MYOF: variants seen among roughly 807,000 people sequenced by gnomAD.
MYOF encodes the protein fer-1-like 3, myoferlin.
In MYOF, 244 loss-of-function variants were observed where a neutral mutation model predicts 284.2. The observed-to-expected ratio is 0.86, with a 90% confidence interval of 0.77 to 0.95. The LOEUF (loss-of-function observed/expected upper bound fraction) is 0.95, where lower values mean the gene tolerates loss of function less well. Ranked by LOEUF, MYOF falls within the 40% of genes least tolerant of loss-of-function variation. MYOF has a pLI of 0.00. For synonymous variants in MYOF, 904 were observed against 919.7 expected (o/e 0.98, Z 0.31); for missense variants, 2,496 against 2,560.6 (o/e 0.97, Z 0.54).
chr10:93,404,807 C>T (rs532239391), intron 7 of MYOF, among the ~76,000 whole-genome samples: 1 of 152,270 alleles, frequency 6.6e-6, no homozygotes, highest in South Asian at 2.1e-4. Flanking sequence ...TCCAAGAAAG[C>T]ACCTTTCAAG....
chr10:93,347,566 A>AAAAAAAAAAAAAAT, intron 37 of MYOF, 51 bp downstream of exon 37: 5 of 1,221,934 alleles, frequency 4.1e-6, no homozygotes, highest in Non-Finnish European at 3.2e-6. Context: ...CTCAAAAAAA[A>AAAAAAAAAAAAAAT]AAAAAAAAAA....
rs1481130682 is a variant in MYOF at position 93,364,000 on chromosome 10, C to T, written c.2829G>A (p.Gly943=). The T allele has an allele frequency of 6.2e-7, 1 of 1,614,204 alleles. No individual in the cohort carries two copies. The highest frequency in any genetic ancestry group is 1.1e-5 in the South Asian group (1 of 91,088). Residue 943 remains glycine (G), a synonymous_variant, in exon 27 of 54, where the codon GGG becomes GGA. Transcript: ENST00000359263. ...TGTCCTCGGCCGGCTTCCAGTCGCC[C>T]CCGGGGTAGCGGCTCTCGTTCTGAT... ...EVYQNESRYP[G]GDWKPAEDTY...
At chr10:93,406,724 T>C (rs905824323) in intron 7 of MYOF, among the ~76,000 whole-genome samples, 2 of 151,162 alleles carry the variant, frequency 1.3e-5, no homozygotes, top group Middle Eastern at 3.4e-3. Flanking sequence ...AGGGGAGAGG[T>C]TAGAGGTTAG....
At position 93,349,886 on chromosome 10, in the gene MYOF, TC is replaced by T; in HGVS notation, c.4004del (p.Gly1335GlufsTer8). On this transcript the variant is annotated frameshift_variant, in exon 36 of 54. Transcript: ENST00000359263. LOFTEE classifies it high-confidence loss of function. ...TSPSLVVECG[G>X]ERVESVVIKN... Reference sequence around the variant, plus strand: ...TGATCACCACCGATTCCACCCTTTCTCCTCCACACTCCACAACAAGACTGGG... The same window carrying T: ...TGATCACCACCGATTCCACCCTTTCTCTCCACACTCCACAACAAGACTGGG... 6.2e-7 allele frequency: 1 copy of T among 1,614,072 alleles called. No individual in the cohort carries two copies. Among genetic ancestry groups the T allele is most frequent in the Non-Finnish European group, 8.5e-7 (1 of 1,179,998 alleles).
chr10:93,375,035 A>G, intron 22 of MYOF, 80 bp from the exon 23 acceptor site: 2 of 1,357,394 alleles, frequency 1.5e-6, no homozygotes, highest in Non-Finnish European at 2.0e-6. Context: ...AAATACATTT[A>G]TGTTGGATTT....
chr10:93,405,666 C>A (rs1179510422), intron 7 of MYOF, among the ~76,000 whole-genome samples: 1 of 152,104 alleles, frequency 6.6e-6, no homozygotes, highest in East Asian at 1.9e-4. Flanking sequence ...GGCCATTTGA[C>A]AAGACTTGAC....
At chr10:93,482,003 A>G in intron 1 of MYOF, 104 bp downstream of exon 1, 1 of 1,083,772 alleles carries the variant, frequency 9.2e-7, no homozygotes, top group Admixed American at 1.9e-5. Context: ...TGCTGGAGAG[A>G]CTTGGCTTCA....
Position 93,351,688 on chromosome 10 carries a change from C to G in MYOF, c.3640G>C (p.Glu1214Gln). The G allele has an allele frequency of 1.3e-6, 2 of 1,586,498 alleles. No homozygotes were observed. The highest frequency in any genetic ancestry group is 1.7e-6 in the Non-Finnish European group (2 of 1,168,790). The part of the protein sequence containing the change: ...VLQNPPKVIM[E>Q]LFDNDQVGKD... Reference sequence around the variant, plus strand: ...ACCACTTGGTCATTGTCAAAAAGTTCCATGATAACTTTGGGTGGATTCTGT... The same window carrying G: ...ACCACTTGGTCATTGTCAAAAAGTTGCATGATAACTTTGGGTGGATTCTGT... The change falls in exon 33 of 54, where the codon GAA (glutamate) becomes CAA (glutamine). Residue 1214 changes from glutamate (E) to glutamine (Q), a missense_variant. Around this residue, in one of 3 missense-constraint regions of MYOF, gnomAD observed 2,436 missense variants for 2,480.7 expected, o/e 0.98. Coordinates refer to ENST00000359263, the MANE Select transcript of MYOF (RefSeq NM_013451.4).
At chr10:93,381,848 C>T (rs1846132594) in intron 19 of MYOF, among the ~76,000 whole-genome samples, 1 of 152,084 alleles carries the variant, frequency 6.6e-6, no homozygotes, top group Non-Finnish European at 1.5e-5. Context: ...ACCAGCCTGG[C>T]CAACATGGTG....
intron 27 of MYOF, among the ~76,000 whole-genome samples, chr10:93,363,236 C>G (rs1454272924): frequency 6.6e-6 from 1 of 152,152 alleles, no homozygotes; most frequent in Non-Finnish European, 1.5e-5. Flanking sequence ...GAAGTTATAT[C>G]CTTGTTTATG....
chr10:93,478,533 AG>A (rs1327584998), intron 1 of MYOF, among the ~76,000 whole-genome samples: 44 of 152,116 alleles, frequency 2.9e-4, no homozygotes, highest in Admixed American at 5.2e-4. Flanking sequence ...CAGCCTCAGA[AG>A]GGTCACTCAC....
At chr10:93,358,654 A>G (rs1026531872) in intron 29 of MYOF, among the ~76,000 whole-genome samples, 1 of 152,200 alleles carries the variant, frequency 6.6e-6, no homozygotes, top group Non-Finnish European at 1.5e-5. Flanking sequence ...TTGCAGGGAC[A>G]TGGATGGAGC....
chr10:93,307,359 G>T (rs989858420), intron 53 of MYOF, among the ~76,000 whole-genome samples: 1 of 151,952 alleles, frequency 6.6e-6, no homozygotes, highest in African/African-American at 2.4e-5. Flanking sequence ...GCAGTGGCGC[G>T]ATCTCGGCTC....
chr10:93,446,137 A>G (rs1284986809), intron 3 of MYOF, among the ~76,000 whole-genome samples: 1 of 152,058 alleles, frequency 6.6e-6, no homozygotes, highest in Non-Finnish European at 1.5e-5. Flanking sequence ...CTGCTTACAA[A>G]AGAGCAGAGG....
chr10:93,433,584 T>C (rs1213935581), intron 3 of MYOF, among the ~76,000 whole-genome samples: 2 of 152,224 alleles, frequency 1.3e-5, no homozygotes, highest in African/African-American at 4.8e-5. Context: ...GTCCTTAAAG[T>C]GATAGAAGAG....
At chr10:93,453,497 C>T (rs1417317034) in intron 2 of MYOF, among the ~76,000 whole-genome samples, 2 of 152,142 alleles carry the variant, frequency 1.3e-5, no homozygotes, top group African/African-American at 4.8e-5. Flanking sequence ...CAGGGTTTCA[C>T]CATGTTGGCC....
At chr10:93,449,691 A>G (rs1388005303) in intron 3 of MYOF, among the ~76,000 whole-genome samples, 2 of 152,090 alleles carry the variant, frequency 1.3e-5, no homozygotes, top group African/African-American at 2.4e-5. Flanking sequence ...GGGTCTCACT[A>G]TGTTACCCAG....
Position 93,395,312 on chromosome 10 carries a change from A to G in MYOF, c.1417+830T>C, listed in dbSNP as rs995691335. Among the ~76,000 whole-genome samples, 9 of 152,118 alleles carry G rather than the reference A, an allele frequency of 5.9e-5. 1 individual carries two copies. The highest frequency in any genetic ancestry group is 3.2e-3 in the Middle Eastern group (1 of 316). ...ACAAAAATTAGCTGGGCGTGGTGGC[A>G]TGCGCCTGTAGTCCCAGCTACTCGG... On this transcript the variant is annotated intron_variant, in intron 16 of 53. Transcript: ENST00000359263.
intron 11 of MYOF, among the ~76,000 whole-genome samples, 156 bp from the exon 12 acceptor site, chr10:93,401,700 T>G (rs936085816): frequency 6.6e-6 from 1 of 152,146 alleles, no homozygotes; most frequent in Non-Finnish European, 1.5e-5. Context: ...GCCACCAGTT[T>G]TCCTTCAACC....
Sources: gnomAD v4.1 joint callset for allele counts (sites outside exome capture counted in the v4.1 genomes callset) on GRCh38, gnomAD v4.1.1 for gene constraint, gnomAD v4.1.1 regional missense constraint, MANE v1.5 for transcripts, NCBI Gene and HGNC (gene_info 2026-07-23, HGNC 2026-07-21) for gene names.